Variants in C1QTNF3 observed in about 807,000 individuals in gnomAD.
C1QTNF3 encodes C1q and TNF related 3, also known as complement C1q tumor necrosis factor-related protein 3.
C1QTNF3 carries 26 observed loss-of-function variants against 32.6 expected under a neutral mutation model. The ratio of observed to expected loss-of-function variants is 0.80; its 90% confidence interval spans 0.58 to 1.11. The LOEUF (loss-of-function observed/expected upper bound fraction) is 1.11, where lower values mean the gene tolerates loss of function less well. Among genes scored for constraint, C1QTNF3 ranks in the 50% least tolerant of loss-of-function variants. C1QTNF3 has a pLI of 0.00. For missense variants in C1QTNF3, 362 were observed against 398.2 expected, an observed-to-expected ratio of 0.91 and a Z score of 0.77; for synonymous variants, 155 against 146.0, an observed-to-expected ratio of 1.06 and a Z score of -0.44.
the C1QTNF3 span, among the ~76,000 whole-genome samples, chr5:34,202,553 CAA>C: frequency 6.6e-6 from 1 of 151,752 alleles, no homozygotes; most frequent in Admixed American, 6.6e-5. Context: ...AGTCCCTCCT[CAA>C]AACTTCTGTA....
chr5:34,170,211 T>TA, the C1QTNF3 span, among the ~76,000 whole-genome samples: 1 of 152,162 alleles, frequency 6.6e-6, no homozygotes, highest in Non-Finnish European at 1.5e-5. Context: ...GAATTCCACT[T>TA]ATACGAGGTA....
chr5:34,075,466 AAAG>A, the C1QTNF3 span, among the ~76,000 whole-genome samples: 1 of 151,700 alleles, frequency 6.6e-6, no homozygotes, highest in Non-Finnish European at 1.5e-5. Flanking sequence ...ATGGAAAGAA[AAAG>A]AATAGAGATG....
At chr5:34,088,758 C>T in the C1QTNF3 span, among the ~76,000 whole-genome samples, 1 of 152,128 alleles carries the variant, frequency 6.6e-6, no homozygotes, top group Non-Finnish European at 1.5e-5. Context: ...GCAATCCTCC[C>T]GTCTTGGCCT....
the C1QTNF3 span, among the ~76,000 whole-genome samples, chr5:34,113,973 C>G: frequency 6.6e-6 from 1 of 152,160 alleles, no homozygotes; most frequent in African/African-American, 2.4e-5. Flanking sequence ...TCATAATTTT[C>G]TTTTGATTAG....
chr5:34,130,013 T>A, the C1QTNF3 span, among the ~76,000 whole-genome samples: 3 of 152,144 alleles, frequency 2.0e-5, no homozygotes, highest in Non-Finnish European at 4.4e-5. Context: ...TATTGATTTC[T>A]ATGGAAATTT....
At chr5:34,045,057 C>T (rs186727067), upstream of C1QTNF3, among the ~76,000 whole-genome samples, 680 of 152,262 alleles carry the variant, frequency 4.5e-3, 6 homozygotes, top group African/African-American at 0.016. Flanking sequence ...GTGTTCCCTC[C>T]TCAGGGAGGC....
the C1QTNF3 span, among the ~76,000 whole-genome samples, chr5:34,082,674 G>A: frequency 1.3e-5 from 2 of 151,656 alleles, no homozygotes; most frequent in South Asian, 2.1e-4. Flanking sequence ...AGAAAACACC[G>A]CATTTCCCAA....
At chr5:34,087,783 C>A in the C1QTNF3 span, among the ~76,000 whole-genome samples, 1 of 152,064 alleles carries the variant, frequency 6.6e-6, no homozygotes, top group East Asian at 1.9e-4. Flanking sequence ...GGTGTTTTCT[C>A]ATTTTGCCCA....
At chr5:34,222,013 G>A in the C1QTNF3 span, among the ~76,000 whole-genome samples, 1 of 151,912 alleles carries the variant, frequency 6.6e-6, no homozygotes, top group Non-Finnish European at 1.5e-5. Flanking sequence ...TGTTTTCCTA[G>A]ACTAATTCTC....
the C1QTNF3 span, among the ~76,000 whole-genome samples, chr5:34,065,073 C>T: frequency 2.6e-5 from 4 of 152,114 alleles, no homozygotes; most frequent in Non-Finnish European, 4.4e-5. Context: ...AACTTCTGCA[C>T]AGCAAAAGAA....
the C1QTNF3 span, among the ~76,000 whole-genome samples, chr5:34,174,170 G>A: frequency 7.2e-3 from 1,101 of 152,288 alleles, 15 homozygotes; most frequent in African/African-American, 0.025. Context: ...CGATTCTCAT[G>A]CCTCAGCCTC....
chr5:34,142,267 C>T, the C1QTNF3 span, among the ~76,000 whole-genome samples: 1 of 152,054 alleles, frequency 6.6e-6, no homozygotes. Flanking sequence ...CCTGTCTCTA[C>T]TAAAACCACA....
At position 34,022,006 on chromosome 5, in the gene C1QTNF3, C is replaced by T. The variant is rs550323105; in HGVS notation, c.801-1264G>A. On this transcript the variant is annotated intron_variant, in intron 5 of 5. Coordinates refer to ENST00000382065, the MANE Select transcript of C1QTNF3 (RefSeq NM_181435.6). Reference sequence around the variant, plus strand: ...CAATCTGATGGATTAAAAATATTGCCTTTCTGCCCAAATCGATTGCTTTAG... The same window carrying T: ...CAATCTGATGGATTAAAAATATTGCTTTTCTGCCCAAATCGATTGCTTTAG... Among the ~76,000 whole-genome samples the T allele has an allele frequency of 2.6e-5, 4 of 152,282 alleles. No individual in the cohort carries two copies. In the South Asian group the frequency reaches 8.3e-4, roughly 32 times the overall value.
At chr5:34,227,344 A>C in the C1QTNF3 span, among the ~76,000 whole-genome samples, 13 of 151,894 alleles carry the variant, frequency 8.6e-5, no homozygotes, top group East Asian at 1.9e-4. Flanking sequence ...ACTTTTCTCT[A>C]AACTTCAATT....
the C1QTNF3 span, among the ~76,000 whole-genome samples, chr5:34,208,591 C>G: frequency 6.6e-6 from 1 of 151,774 alleles, no homozygotes; most frequent in Admixed American, 6.6e-5. Context: ...TTGAGACCCA[C>G]TTGCTTAGAA....
At chr5:34,083,662 G>T in the C1QTNF3 span, among the ~76,000 whole-genome samples, 1 of 151,750 alleles carries the variant, frequency 6.6e-6, no homozygotes, top group East Asian at 1.9e-4. Flanking sequence ...CAGTGCTCAA[G>T]AACATTCTTT....
At chr5:34,160,169 C>G in the C1QTNF3 span, among the ~76,000 whole-genome samples, 1 of 152,114 alleles carries the variant, frequency 6.6e-6, no homozygotes, top group Non-Finnish European at 1.5e-5. Context: ...AACAAAGGAC[C>G]AGGGCAGTGT....
At chr5:34,208,027 T>C in the C1QTNF3 span, among the ~76,000 whole-genome samples, 3 of 152,186 alleles carry the variant, frequency 2.0e-5, no homozygotes, top group Non-Finnish European at 2.9e-5. Flanking sequence ...CCTGACCTCG[T>C]GATCTGCCCA....
chr5:34,039,908 C>T (rs1035597331), intron 1 of C1QTNF3, among the ~76,000 whole-genome samples: 15 of 152,208 alleles, frequency 9.9e-5, no homozygotes, highest in Admixed American at 5.9e-4. Flanking sequence ...GACCAAGCTA[C>T]TTGAGGGCAC....
Sources: gnomAD v4.1 joint callset for allele counts (sites outside exome capture counted in the v4.1 genomes callset) on GRCh38, gnomAD v4.1.1 for gene constraint, MANE v1.5 for transcripts, NCBI Gene and HGNC (gene_info 2026-07-23, HGNC 2026-07-21) for gene names.